The following TULP3 variants were observed in gnomAD, a reference collection of about 807,000 sequenced individuals.
TULP3 encodes the protein TUB like protein 3.
In TULP3, 38 loss-of-function variants were observed where a neutral mutation model predicts 50.7. The observed-to-expected ratio is 0.75, with a 90% CI of 0.58 to 0.98. The LOEUF (loss-of-function observed/expected upper bound fraction) is 0.98. Ranked by LOEUF, TULP3 falls within the 50% of genes least tolerant of loss-of-function variation. The pLI, the probability that TULP3 is intolerant of heterozygous loss-of-function variation, is 0.00. For missense variants in TULP3, 550 were observed against 568.0 expected (o/e 0.97, Z 0.32); for synonymous variants, 183 against 196.6 (o/e 0.93, Z 0.58).
At chr12:2,902,164 T>C (rs536887269) in intron 1 of TULP3, among the ~76,000 whole-genome samples, 1 of 152,342 alleles carries the variant, frequency 6.6e-6, no homozygotes, top group African/African-American at 2.4e-5. Context: ...ATATTTACAA[T>C]TATGAATTTC....
At chr12:2,915,115 A>C (rs1489975254) in intron 2 of TULP3, among the ~76,000 whole-genome samples, 2 of 151,960 alleles carry the variant, frequency 1.3e-5, no homozygotes, top group Non-Finnish European at 2.9e-5. Flanking sequence ...CAGCCTCTCG[A>C]GTAGCTAGGA....
rs761012512 is a variant in TULP3 at position 2,937,630 on chromosome 12, G to A, written c.925-1G>A. ...TTCTGCTTTGTTTTCCTATCTTCCA[G>A]GAAACAAACGTACTTGGATTTAAAG... On this transcript the variant is annotated splice_acceptor_variant, in intron 8 of 10. Transcript: ENST00000448120. LOFTEE classifies it high-confidence loss of function. 1.6e-5 allele frequency: 26 copies of A among 1,606,952 alleles called. No homozygotes were observed. Among genetic ancestry groups the A allele is most frequent in the Non-Finnish European group, 2.1e-5 (25 of 1,175,932 alleles).
At chr12:2,902,856 G>A (rs922660524) in intron 1 of TULP3, among the ~76,000 whole-genome samples, 1 of 146,866 alleles carries the variant, frequency 6.8e-6, no homozygotes, top group Non-Finnish European at 1.5e-5. Context: ...AGATTAAAGG[G>A]CAATGGGATT....
chr12:2,913,998 G>A (rs748897884), intron 2 of TULP3, among the ~76,000 whole-genome samples: 2 of 152,058 alleles, frequency 1.3e-5, no homozygotes, highest in South Asian at 2.1e-4. Flanking sequence ...TGCACACAAC[G>A]TGTAATGATC....
chr12:2,901,853 C>T (rs897795079), intron 1 of TULP3, among the ~76,000 whole-genome samples: 1 of 152,046 alleles, frequency 6.6e-6, no homozygotes, highest in African/African-American at 2.4e-5. Context: ...TGATGAAGTC[C>T]AACTTGCTGA....
chr12:2,895,681 T>C (rs201324937), intron 1 of TULP3, among the ~76,000 whole-genome samples: 1 of 42,782 alleles, frequency 2.3e-5, no homozygotes, highest in Non-Finnish European at 4.3e-5. Context: ...CTGATGCCTC[T>C]TTCACTCTAT....
At chr12:2,928,358 C>G (rs927063969) in intron 4 of TULP3, among the ~76,000 whole-genome samples, 3 of 151,760 alleles carry the variant, frequency 2.0e-5, no homozygotes, top group Admixed American at 2.0e-4. Flanking sequence ...TGGAGAAACC[C>G]CGTCTCTACT....
chr12:2,920,751 C>T lies in TULP3; in HGVS notation c.94-12C>T. The T allele has an allele frequency of 6.2e-7, 1 of 1,613,448 alleles. No individual in the cohort carries two copies. Among genetic ancestry groups the T allele is most frequent in the Non-Finnish European group, 8.5e-7 (1 of 1,179,672 alleles). On this transcript the variant is annotated splice_polypyrimidine_tract_variant and intron_variant, in intron 2 of 10. Coordinates refer to ENST00000448120, the MANE Select transcript of TULP3 (RefSeq NM_003324.5). Reference sequence around the variant, plus strand: ...ACTCTCCTTGCTGGCTGTCATATCGCTTTTTTCCCAGAGGCTACTACTTGA... The same window carrying T: ...ACTCTCCTTGCTGGCTGTCATATCGTTTTTTTCCCAGAGGCTACTACTTGA...
At chr12:2,910,219 G>GGAGGCGGAGCTTGCAGT (rs1220330756) in intron 2 of TULP3, among the ~76,000 whole-genome samples, 3 of 152,126 alleles carry the variant, frequency 2.0e-5, no homozygotes, top group African/African-American at 4.8e-5. Context: ...CGTGAACCCA[G>GGAGGCGGAGCTTGCAGT]GAGGCGGAGC....
chr12:2,933,221 G>A (rs558983880), intron 6 of TULP3, among the ~76,000 whole-genome samples, 197 bp from the exon 7 acceptor site: 140 of 152,278 alleles, frequency 9.2e-4, no homozygotes, highest in Middle Eastern at 3.4e-3. Flanking sequence ...GATTACAGGC[G>A]TGAGCCACCA....
intron 1 of TULP3, among the ~76,000 whole-genome samples, chr12:2,899,766 G>A (rs1246875815): frequency 6.6e-6 from 1 of 152,014 alleles, no homozygotes. Context: ...GGTGGCAGGT[G>A]CCTGTAGTCT....
At chr12:2,914,107 AAT>A (rs1224650201) in intron 2 of TULP3, among the ~76,000 whole-genome samples, 2 of 151,092 alleles carry the variant, frequency 1.3e-5, no homozygotes, top group Non-Finnish European at 2.9e-5. Flanking sequence ...GCTATTTTGA[AAT>A]ATACAATAAA....
rs755149685 is a variant in TULP3, at chr12:2,891,019, G to A, written c.41+31G>A. ...ACAGGGCCGTGGCAGGTCTCCTCCTGAGCGAGGCGGAGGGGCGAAGCGAGA... is the reference window on the plus strand; with the variant it reads ...ACAGGGCCGTGGCAGGTCTCCTCCTAAGCGAGGCGGAGGGGCGAAGCGAGA... On this transcript the variant is annotated intron_variant, in intron 1 of 10. Coordinates refer to ENST00000448120, the MANE Select transcript of TULP3 (RefSeq NM_003324.5). 15 of 1,546,388 alleles carry A rather than the reference G, an allele frequency of 9.7e-6. No homozygotes were observed. The East Asian group carries it at 3.2e-4, about 32-fold the overall frequency.
At chr12:2,930,114 A>C (rs2098197070) in intron 4 of TULP3, 134 bp from the exon 5 acceptor site, 1 of 630,794 alleles carries the variant, frequency 1.6e-6, no homozygotes, top group South Asian at 2.2e-5. Flanking sequence ...TGTTTTATGT[A>C]TTTGGACAAA....
chr12:2,926,906 T>G (rs900817690), intron 4 of TULP3, among the ~76,000 whole-genome samples: 3 of 152,214 alleles, frequency 2.0e-5, no homozygotes, highest in African/African-American at 7.2e-5. Context: ...AGACTCTGTC[T>G]TTAAATAAAT....
chr12:2,939,208 G>T lies in TULP3; in HGVS notation c.1196-103G>T. 7.5e-7 allele frequency: 1 copy of T among 1,326,254 alleles called. No homozygotes were observed. 82.2% of individuals were successfully genotyped at this position (1,326,254 alleles called of 1,614,324 possible). ...GTCATTCCACTAGGCTCCAGCCAGG[G>T]CGACAGAGCAAAACCCCATCTAAGA... On this transcript the variant is annotated intron_variant, in intron 10 of 10. Coordinates refer to ENST00000448120, the MANE Select transcript of TULP3 (RefSeq NM_003324.5). This position sits in a 1 kb window ranked among gnomAD's most constrained non-coding sequence, Gnocchi z 4.0.
At chr12:2,898,182 AT>A (rs2098176703) in intron 1 of TULP3, among the ~76,000 whole-genome samples, 1 of 151,852 alleles carries the variant, frequency 6.6e-6, no homozygotes, top group Non-Finnish European at 1.5e-5. Flanking sequence ...GTTAAGTGTC[AT>A]TGTCCTCACT....
At chr12:2,937,497 G>A (rs1303800926) in intron 8 of TULP3, 134 bp from the exon 9 acceptor site, 11 of 697,270 alleles carry the variant, frequency 1.6e-5, no homozygotes, top group Admixed American at 1.2e-4. Context: ...GATTATAGGC[G>A]TGATCCACTG....
At chr12:2,899,990 G>T (rs370256827) in intron 1 of TULP3, among the ~76,000 whole-genome samples, 1 of 151,878 alleles carries the variant, frequency 6.6e-6, no homozygotes, top group Admixed American at 6.6e-5. Flanking sequence ...TGAGGCAGGC[G>T]CGTCACCTGA....
Sources: gnomAD v4.1 joint callset for allele counts (sites outside exome capture counted in the v4.1 genomes callset) on GRCh38, gnomAD v4.1.1 for gene constraint, Gnocchi (gnomAD v3.1) non-coding constraint, MANE v1.5 for transcripts, NCBI Gene and HGNC (gene_info 2026-07-23, HGNC 2026-07-21) for gene names.